Variants in LBX1 observed in about 807,000 individuals in gnomAD.
LBX1 encodes transcription factor LBX1.
A neutral mutation model predicts 19.9 loss-of-function variants in LBX1; 6 were observed. The ratio of observed to expected loss-of-function variants is 0.30; its 90% confidence interval spans 0.17 to 0.60. The LOEUF (loss-of-function observed/expected upper bound fraction) is 0.60, where lower values mean the gene tolerates loss of function less well. Ranked by LOEUF, LBX1 falls within the 20% of genes least tolerant of loss-of-function variation. The pLI is 0.87. For synonymous variants in LBX1, 190 were observed against 189.3 expected, an observed-to-expected ratio of 1.00 and a Z score of -0.03; for missense variants, 344 against 393.7, an observed-to-expected ratio of 0.87 and a Z score of 1.07.
intron 1 of LBX1, among the ~76,000 whole-genome samples, chr10:101,228,168 G>A (rs975389718): frequency 6.6e-6 from 1 of 152,128 alleles, no homozygotes; most frequent in African/African-American, 2.4e-5. Context: ...CCCGGCAAAA[G>A]ACTCTCGATT....
At chr10:101,227,984 C>T (rs936803927) in intron 1 of LBX1, among the ~76,000 whole-genome samples, 194 bp from the exon 2 acceptor site, 3 of 152,164 alleles carry the variant, frequency 2.0e-5, no homozygotes, top group African/African-American at 7.2e-5. Context: ...TTTGGTCTCC[C>T]AGAAGTCCCT....
chr10:101,228,929 C>T lies in LBX1; in HGVS notation c.-114G>A. ...GCAGCGGCGGGTGGAAAGGAGGCCGCACTGGGCAGGGCGCGGGCCGGGCGC... is the reference window on the plus strand; with the variant it reads ...GCAGCGGCGGGTGGAAAGGAGGCCGTACTGGGCAGGGCGCGGGCCGGGCGC... On this transcript the variant is annotated 5_prime_UTR_variant, in exon 1 of 2. Transcript: ENST00000370193. 2 of 591,794 alleles carry T rather than the reference C, an allele frequency of 3.4e-6. No individual in the cohort carries two copies. Among genetic ancestry groups the T allele is most frequent in the East Asian group, 5.2e-5 (1 of 19,342 alleles). 36.7% of individuals were successfully genotyped at this position (591,794 alleles called of 1,614,324 possible).
intron 1 of LBX1, 97 bp downstream of exon 1, chr10:101,228,394 C>T: frequency 1.1e-6 from 1 of 926,606 alleles, no homozygotes; most frequent in Non-Finnish European, 1.6e-6. Context: ...CCCTGGCGGC[C>T]GGAGAGGGCA....
Position 101,229,225 on chromosome 10 carries a change from G to C in LBX1, c.-410C>G, listed in dbSNP as rs1335464840. ...CGGACTGCGAGGGAGGCGGAGAGACGGGGCAATTGACTATTGCTAACAAGT... is the reference window on the plus strand; with the variant it reads ...CGGACTGCGAGGGAGGCGGAGAGACCGGGCAATTGACTATTGCTAACAAGT... On this transcript the variant is annotated 5_prime_UTR_variant, in exon 1 of 2. Coordinates refer to ENST00000370193, the MANE Select transcript of LBX1 (RefSeq NM_006562.5). The surrounding 1 kb of genome is among the most constrained non-coding windows in gnomAD (Gnocchi z 6.4). 6.5e-6 allele frequency: 1 copy of C among 152,910 alleles called. No homozygotes were observed. The highest frequency in any genetic ancestry group is 2.4e-5 in the African/African-American group (1 of 41,478). 9.5% of individuals were successfully genotyped at this position (152,910 alleles called of 1,614,324 possible).
chr10:101,228,412 G>C (rs1032304863), intron 1 of LBX1, 79 bp downstream of exon 1: 1 of 1,147,262 alleles, frequency 8.7e-7, no homozygotes, highest in Non-Finnish European at 1.2e-6. Context: ...GCAGAGGCGA[G>C]CAGAGGCATA....
chr10:101,227,637 T>A lies in LBX1; in HGVS notation c.479A>T (p.Gln160Leu). The change falls in exon 2 of 2, where the codon CAG becomes CTG. Residue 160 changes from glutamine to leucine, a missense_variant. By Grantham distance (113) the Gln-to-Leu change is moderately radical. Transcript: ENST00000370193. ...TTGCGCGTTGGTGAGGCCCAGCTGC[T>A]GCGCGATTTGGTCGCGATCGGCGGG... ...LSPADRDQIAQQLGLTNAQVI... is the reference protein window; with the variant it reads ...LSPADRDQIALQLGLTNAQVI... 1 of 1,614,242 alleles carries A rather than the reference T, an allele frequency of 6.2e-7. No individual in the cohort carries two copies. The highest frequency in any genetic ancestry group is 1.1e-5 in the South Asian group (1 of 91,090).
At position 101,227,467 on chromosome 10, in the gene LBX1, C is replaced by G; in HGVS notation, c.649G>C (p.Ala217Pro). 6.2e-7 allele frequency: 1 copy of G among 1,602,036 alleles called. No individual in the cohort carries two copies. The highest frequency in any genetic ancestry group is 8.5e-7 in the Non-Finnish European group (1 of 1,172,890). Reference sequence around the variant, plus strand: ...CAGCCGCCGCCACCGCCGGCTGTGGCCTCCGAGTTCTGCTCGAGTTCGGCC... The same window carrying G: ...CAGCCGCCGCCACCGCCGGCTGTGGGCTCCGAGTTCTGCTCGAGTTCGGCC... ...ALAELEQNSE[A>P]TAGGGGGCGR... is the part of the protein sequence containing the mutation. The change falls in exon 2 of 2, where the codon GCC becomes CCC. Residue 217 changes from alanine to proline, a missense_variant. Ala to Pro is a conservative substitution (Grantham distance 27, BLOSUM62 -1). Transcript: ENST00000370193.
In LBX1 at chr10:101,228,871, G is replaced by T. The variant is rs1265020750; in HGVS notation, c.-56C>A. 8.0e-7 allele frequency: 1 copy of T among 1,252,766 alleles called. No homozygotes were observed. Among genetic ancestry groups the T allele is most frequent in the Non-Finnish European group, 1.0e-6 (1 of 980,934 alleles). 77.6% of individuals were successfully genotyped at this position (1,252,766 alleles called of 1,614,324 possible). On this transcript the variant is annotated 5_prime_UTR_variant, in exon 1 of 2. Transcript: ENST00000370193. ...GGCTCGGGCCGCGGGGACCCAGCCCGCGGGCAGCTCGGGCGCCGGACGGCG... is the reference window on the plus strand; with the variant it reads ...GGCTCGGGCCGCGGGGACCCAGCCCTCGGGCAGCTCGGGCGCCGGACGGCG...
chr10:101,227,231 C>A lies in LBX1; in HGVS notation c.*39G>T. On this transcript the variant is annotated 3_prime_UTR_variant, in exon 2 of 2. Coordinates refer to ENST00000370193, the MANE Select transcript of LBX1 (RefSeq NM_006562.5). ...GTCCGGGAGGCGTTGGGCTTTCGAGCGCTAGGAGCCCAGGGCGGCGGAAGA... is the reference window on the plus strand; with the variant it reads ...GTCCGGGAGGCGTTGGGCTTTCGAGAGCTAGGAGCCCAGGGCGGCGGAAGA... The A allele has an allele frequency of 1.5e-5, 23 of 1,577,718 alleles. No homozygotes were observed. The highest frequency in any genetic ancestry group is 2.0e-5 in the Non-Finnish European group (23 of 1,165,762).
At position 101,227,639 on chromosome 10, in the gene LBX1, C is replaced by T. The variant is rs1400572543; in HGVS notation, c.477G>A (p.Ala159=). 2 of 1,614,200 alleles carry T rather than the reference C, an allele frequency of 1.2e-6. No homozygotes were observed. The highest frequency in any genetic ancestry group is 1.7e-6 in the Non-Finnish European group (2 of 1,180,024). The change falls in exon 2 of 2, where the codon GCG becomes GCA. Residue 159 remains alanine (A), a synonymous_variant. Transcript: ENST00000370193. ...GCGCGTTGGTGAGGCCCAGCTGCTG[C>T]GCGATTTGGTCGCGATCGGCGGGGG... The part of the protein sequence containing the change: ...YLSPADRDQI[A]QQLGLTNAQV...
Position 101,227,654 on chromosome 10 carries a change from A to G in LBX1, c.462T>C (p.Asp154=), listed in dbSNP as rs1429834495. The G allele has an allele frequency of 3.1e-6, 5 of 1,614,056 alleles. No homozygotes were observed. The African/African-American group carries it at 6.7e-5, about 22-fold the overall frequency. Residue 154 remains aspartate (D), a synonymous_variant, in exon 2 of 2, where the codon GAT becomes GAC. Transcript: ENST00000370193. ...FLYQKYLSPA[D]RDQIAQQLGL... The stretch of plus-strand genomic sequence containing the variant: ...CCAGCTGCTGCGCGATTTGGTCGCG[A>G]TCGGCGGGGGACAGGTACTTCTGGT...
chr10:101,227,092 T>G lies in LBX1; in HGVS notation c.*178A>C. 1 of 583,356 alleles carries G rather than the reference T, an allele frequency of 1.7e-6. No individual in the cohort carries two copies. The highest frequency in any genetic ancestry group is 2.8e-6 in the Non-Finnish European group (1 of 351,848). 36.1% of individuals were successfully genotyped at this position (583,356 alleles called of 1,614,324 possible). ...TGGCGGCCGGCCCGGCCGGCCAGCC[T>G]GGGTTTATTGCTTCGAGAGGGAAGA... is the stretch of plus-strand genomic sequence containing the variant. On this transcript the variant is annotated 3_prime_UTR_variant, in exon 2 of 2. Transcript: ENST00000370193.
Position 101,227,420 on chromosome 10 carries a change from G to T in LBX1, c.696C>A (p.Pro232=). Residue 232 remains proline, a synonymous_variant, in exon 2 of 2, where the codon CCC becomes CCA. Coordinates refer to ENST00000370193, the MANE Select transcript of LBX1 (RefSeq NM_006562.5). The part of the protein sequence containing the change: ...GGGCGRAKSR[P]GSPVLPPGAP... Reference sequence around the variant, plus strand: ...CGCCTGGGGGGAGGACCGGAGAGCCGGGCCTCGACTTGGCCCTGCCGCAGC... The same window carrying T: ...CGCCTGGGGGGAGGACCGGAGAGCCTGGCCTCGACTTGGCCCTGCCGCAGC... 1 of 1,596,490 alleles carries T rather than the reference G, an allele frequency of 6.3e-7. No individual in the cohort carries two copies.
In LBX1 at chr10:101,228,475, C is replaced by T; in HGVS notation, c.325+16G>A. 1.3e-6 allele frequency: 2 copies of T among 1,540,938 alleles called. No individual in the cohort carries two copies. Among genetic ancestry groups the T allele is most frequent in the Non-Finnish European group, 1.8e-6 (2 of 1,141,766 alleles). ...GCGAGGCGCTGGGTGCAGGGGAACC[C>T]AGCAGCTGCGCCTACCTTCGGCTGC... On this transcript the variant is annotated intron_variant, in intron 1 of 1. Transcript: ENST00000370193.
In LBX1 at chr10:101,227,342, G is replaced by C. The variant is rs1205828320; in HGVS notation, c.774C>G (p.Leu258=). 1.2e-6 allele frequency: 2 copies of C among 1,608,866 alleles called. No homozygotes were observed. Among genetic ancestry groups the C allele is most frequent in the Non-Finnish European group, 1.7e-6 (2 of 1,178,814 alleles). Residue 258 remains leucine (L), a synonymous_variant, in exon 2 of 2, where the codon CTC becomes CTG. Coordinates refer to ENST00000370193, the MANE Select transcript of LBX1 (RefSeq NM_006562.5). ...CCTGGCTGCTGGCCGGCTGGTCCGTGAGCGGAGAGGCAGGCGAGAGCTGCA... is the reference window on the plus strand; with the variant it reads ...CCTGGCTGCTGGCCGGCTGGTCCGTCAGCGGAGAGGCAGGCGAGAGCTGCA... ...GALQLSPASP[L]TDQPASSQDC... is the part of the protein sequence containing the mutation.
chr10:101,228,046 C>T (rs1300221015), intron 1 of LBX1, among the ~76,000 whole-genome samples: 1 of 152,286 alleles, frequency 6.6e-6, no homozygotes, highest in East Asian at 1.9e-4. Flanking sequence ...GTTTGAAAGA[C>T]CCAAAGTCTC....
intron 1 of LBX1, 65 bp downstream of exon 1, chr10:101,228,426 G>A (rs1459358639): frequency 3.8e-6 from 5 of 1,328,764 alleles, no homozygotes; most frequent in Non-Finnish European, 4.1e-6. Context: ...AGGCATAGGG[G>A]ACGAAGCGCG....
Position 101,227,302 on chromosome 10 carries a change from C to T in LBX1, c.814G>A (p.Glu272Lys), listed in dbSNP as rs1941054791. The change falls in exon 2 of 2, where the codon GAG becomes AAG. Residue 272 changes from glutamate to lysine, a missense_variant. Glu to Lys is a moderately conservative substitution (Grantham distance 56). This residue lies in a region of LBX1 where 146 missense variants were observed against 124.2 expected (regional missense o/e 1.18). Coordinates refer to ENST00000370193, the MANE Select transcript of LBX1 (RefSeq NM_006562.5). Reference protein sequence around the residue: ...PASSQDCSEDEEDEEIDVDD With the variant: ...PASSQDCSEDKEDEEIDVDD ...TCCACGTCGATCTCTTCGTCTTCCT[C>T]GTCCTCCGAGCAGTCCTGGCTGCTG... The T allele has an allele frequency of 1.2e-6, 2 of 1,607,460 alleles. No individual in the cohort carries two copies. Among genetic ancestry groups the T allele is most frequent in the African/African-American group, 1.4e-5 (1 of 73,980 alleles).
chr10:101,229,382 CTT>C lies in LBX1; in HGVS notation c.-569_-568del. ...TCTCGCTCTCCCTCCCTCCCTCTCT[CTT>C]CTCTCTTCTCTGCTCCCCCCTTCTC... is the stretch of plus-strand genomic sequence containing the variant. On this transcript the variant is annotated 5_prime_UTR_variant, in exon 1 of 2. Coordinates refer to ENST00000370193, the MANE Select transcript of LBX1 (RefSeq NM_006562.5). The surrounding 1 kb of genome is among the most constrained non-coding windows in gnomAD (Gnocchi z 6.4). 1 of 184,996 alleles carries C rather than the reference CTT, an allele frequency of 5.4e-6. No individual in the cohort carries two copies. The allele number at this position is 184,996 out of a possible 1,614,324, so 11.5% of individuals were successfully genotyped here.
Sources: gnomAD v4.1 joint callset for allele counts (sites outside exome capture counted in the v4.1 genomes callset) on GRCh38, gnomAD v4.1.1 for gene constraint, gnomAD v4.1.1 regional missense constraint, Gnocchi (gnomAD v3.1) non-coding constraint, MANE v1.5 for transcripts, NCBI Gene and HGNC (gene_info 2026-07-23, HGNC 2026-07-21) for gene names.